UNC80: variants seen among roughly 807,000 people sequenced by gnomAD.
UNC80 encodes the protein unc-80 subunit of NALCN channel complex.
UNC80 carries 164 observed loss-of-function variants against 384.6 expected under a neutral mutation model. That is an observed-to-expected ratio of 0.43 (90% CI 0.38 to 0.49). UNC80 has a LOEUF of 0.49. UNC80 is among the 20% of genes least tolerant of loss of function. The pLI, the probability that UNC80 is intolerant of heterozygous loss-of-function variation, is 0.00. For missense variants in UNC80, 3,330 were observed against 4,143.0 expected, an observed-to-expected ratio of 0.80 and a Z score of 5.39; for synonymous variants, 1,486 against 1,527.8, an observed-to-expected ratio of 0.97 and a Z score of 0.64.
In UNC80 at chr2:209,918,042, A is replaced by G. The variant is rs2089704454; in HGVS notation, c.5211+84A>G. On this transcript the variant is annotated intron_variant, in intron 32 of 64. Coordinates refer to ENST00000673920, the MANE Select transcript of UNC80 (RefSeq NM_001371986.1). Reference sequence around the variant, plus strand: ...AACCGTTGAACCTCAAAGTCACAGTATGTGGCCAAAGATATTCTTCTTTTT... The same window carrying G: ...AACCGTTGAACCTCAAAGTCACAGTGTGTGGCCAAAGATATTCTTCTTTTT... 9 of 1,302,248 alleles carry G rather than the reference A, an allele frequency of 6.9e-6. 1 individual carries two copies. In the South Asian group the frequency reaches 8.5e-5, roughly 12 times the overall value. 80.7% of individuals were successfully genotyped at this position (1,302,248 alleles called of 1,614,324 possible). A position where few individuals can be genotyped will look rare whatever the true frequency, so the allele number is the denominator to read the frequency against.
chr2:209,799,354 T>C (rs1403958859), intron 7 of UNC80, among the ~76,000 whole-genome samples: 3 of 152,198 alleles, frequency 2.0e-5, no homozygotes, highest in African/African-American at 7.2e-5. Flanking sequence ...GGGAGTTCAT[T>C]CATGATTTGG....
chr2:209,874,099 C>T (rs1462289785), intron 23 of UNC80, among the ~76,000 whole-genome samples: 4 of 152,122 alleles, frequency 2.6e-5, no homozygotes, highest in Admixed American at 1.3e-4. Flanking sequence ...TATGAGAAGA[C>T]ACAGTTTCTC....
intron 13 of UNC80, among the ~76,000 whole-genome samples, chr2:209,825,551 A>G (rs2153828166): frequency 6.6e-6 from 1 of 152,284 alleles, no homozygotes; most frequent in East Asian, 1.9e-4. Context: ...TGATGAGGGT[A>G]GTTTCTAATA....
rs1048807475 is a variant in UNC80, at chr2:209,926,802, C to T, written c.5663-41C>T. On this transcript the variant is annotated intron_variant, in intron 35 of 64. Coordinates refer to ENST00000673920, the MANE Select transcript of UNC80 (RefSeq NM_001371986.1). ...AAACAACAGTAGCAACAAAGAATTA[C>T]GTTACTGAGAAAAGCACCCTGATTT... 11 of 1,548,662 alleles carry T rather than the reference C, an allele frequency of 7.1e-6. No individual in the cohort carries two copies. In the East Asian group the frequency reaches 7.3e-5, roughly 10 times the overall value.
intron 35 of UNC80, among the ~76,000 whole-genome samples, chr2:209,924,091 T>C (rs2090250430): frequency 6.6e-6 from 1 of 152,144 alleles, no homozygotes; most frequent in South Asian, 2.1e-4. Flanking sequence ...GTCTAGTAAG[T>C]CCAACATTTA....
chr2:209,831,682 A>C, intron 16 of UNC80, 91 bp downstream of exon 16: 1 of 1,314,526 alleles, frequency 7.6e-7, no homozygotes, highest in East Asian at 2.8e-5. Flanking sequence ...GAGAAGCTGA[A>C]ATCTAAAAGT....
intron 51 of UNC80, among the ~76,000 whole-genome samples, chr2:209,966,625 A>C (rs1293433653): frequency 6.6e-6 from 1 of 152,190 alleles, no homozygotes; most frequent in Non-Finnish European, 1.5e-5. Flanking sequence ...TATTTGGCCA[A>C]TTCTCCTTCA....
At position 209,817,900 on chromosome 2, in the gene UNC80, A is replaced by G; in HGVS notation, c.1641A>G (p.Val547=). ...ARHSHSHHTL[V]SDLPDPSNSH... The stretch of plus-strand genomic sequence containing the variant: ...ATTCCCACTCCCATCACACCCTGGT[A>G]AGCGACCTGCCGGACCCCTCCAACA... Residue 547 remains valine, a synonymous_variant, in exon 11 of 65, where the codon GTA becomes GTG. Coordinates refer to ENST00000673920, the MANE Select transcript of UNC80 (RefSeq NM_001371986.1). The G allele has an allele frequency of 1.3e-6, 2 of 1,551,660 alleles. No individual in the cohort carries two copies. The highest frequency in any genetic ancestry group is 1.7e-4 in the Middle Eastern group (1 of 5,992).
chr2:209,952,889 C>T (rs1575124956), intron 47 of UNC80, among the ~76,000 whole-genome samples: 1 of 152,110 alleles, frequency 6.6e-6, no homozygotes, highest in East Asian at 1.9e-4. Flanking sequence ...TCTCCGTACC[C>T]ATGAAATTCT....
intron 21 of UNC80, among the ~76,000 whole-genome samples, chr2:209,848,175 C>T (rs745670135): frequency 6.6e-6 from 1 of 151,934 alleles, no homozygotes; most frequent in Non-Finnish European, 1.5e-5. Flanking sequence ...AAACAAGGCT[C>T]TCCTGGAATT....
Position 209,786,175 on chromosome 2 carries a change from G to A in UNC80, c.710G>A (p.Arg237Lys). The change falls in exon 5 of 65, where the codon AGG (arginine) becomes AAG (lysine). Residue 237 changes from arginine (R) to lysine (K), a missense_variant. Coordinates refer to ENST00000673920, the MANE Select transcript of UNC80 (RefSeq NM_001371986.1). ...SGFTALVKPI[R>K]NIITAKRSSP... ...TTTACCGCACTGGTGAAGCCCATCA[G>A]GAACATCATTACAGGTTTGTAACTT... The A allele has an allele frequency of 6.2e-7, 1 of 1,613,742 alleles. No homozygotes were observed. The highest frequency in any genetic ancestry group is 1.1e-5 in the South Asian group (1 of 91,010).
chr2:209,881,553 C>T lies in UNC80; in HGVS notation c.4110+459C>T, dbSNP rs115284087. 5.2e-3 allele frequency among the ~76,000 whole-genome samples: 794 copies of T among 152,082 alleles called. 10 individuals are homozygous for T. The highest frequency in any genetic ancestry group is 0.018 in the African/African-American group (741 of 41,456). ...GTATTTAGTGTCTAAAATCCCCAAA[C>T]GTACATTGTTATTTCTGTAGCATTT... On this transcript the variant is annotated intron_variant, in intron 25 of 64. Transcript: ENST00000673920.
intron 53 of UNC80, 56 bp from the exon 54 acceptor site, chr2:209,970,776 C>T (rs150836450): frequency 1.2e-4 from 181 of 1,524,134 alleles, no homozygotes; most frequent in African/African-American, 6.8e-4. Context: ...TCCTTTACTA[C>T]GGTTGCATGA....
intron 33 of UNC80, among the ~76,000 whole-genome samples, chr2:209,919,834 A>G (rs1392844986): frequency 6.6e-6 from 1 of 152,162 alleles, no homozygotes; most frequent in East Asian, 1.9e-4. Flanking sequence ...TTTCTCCTGA[A>G]GAGGTGGTGG....
intron 22 of UNC80, among the ~76,000 whole-genome samples, chr2:209,866,533 C>T (rs13382815): frequency 2.5e-4 from 26 of 104,082 alleles, no homozygotes; most frequent in African/African-American, 3.2e-4. Context: ...CACACACACA[C>T]AGAGAGAGAG....
At chr2:209,954,603 A>T (rs2092330534) in intron 48 of UNC80, among the ~76,000 whole-genome samples, 1 of 152,194 alleles carries the variant, frequency 6.6e-6, no homozygotes. Flanking sequence ...CAATTTAGTG[A>T]ATTTAAAGAT....
chr2:209,777,982 G>A (rs2076958089), intron 4 of UNC80, among the ~76,000 whole-genome samples: 1 of 152,094 alleles, frequency 6.6e-6, no homozygotes, highest in African/African-American at 2.4e-5. Flanking sequence ...TCCTGTCATA[G>A]TCCTCAAAAT....
intron 26 of UNC80, among the ~76,000 whole-genome samples, chr2:209,891,497 A>G (rs1165320436): frequency 6.6e-6 from 1 of 152,108 alleles, no homozygotes; most frequent in Non-Finnish European, 1.5e-5. Context: ...ATAGTAGATA[A>G]TTCCTAATAT....
intron 7 of UNC80, among the ~76,000 whole-genome samples, chr2:209,805,059 A>G (rs2078808807): frequency 6.6e-6 from 1 of 152,250 alleles, no homozygotes; most frequent in South Asian, 2.1e-4. Context: ...TTTCAAAATC[A>G]AGTTCCAGCT....
Sources: gnomAD v4.1 joint callset for allele counts (sites outside exome capture counted in the v4.1 genomes callset) on GRCh38, gnomAD v4.1.1 for gene constraint, MANE v1.5 for transcripts, NCBI Gene and HGNC (gene_info 2026-07-23, HGNC 2026-07-21) for gene names.